Variants in TRABD2B observed in about 807,000 individuals in gnomAD.
TRABD2B encodes the protein metalloprotease TIKI2.
In TRABD2B, 14 loss-of-function variants were observed where a neutral mutation model predicts 40.1. The observed-to-expected ratio is 0.35, with a 90% CI of 0.23 to 0.55. TRABD2B has a LOEUF of 0.55. TRABD2B is among the 20% of genes least tolerant of loss of function. The pLI is 0.90. For missense variants in TRABD2B, 541 were observed against 648.6 expected (o/e 0.83, Z 1.80); for synonymous variants, 263 against 277.0 (o/e 0.95, Z 0.50).
At chr1:47,771,337 G>A (rs1034443086) in intron 6 of TRABD2B, among the ~76,000 whole-genome samples, 3 of 152,188 alleles carry the variant, frequency 2.0e-5, no homozygotes, top group African/African-American at 4.8e-5. Context: ...CCCCCTGCAT[G>A]GTGGAACTCA....
At chr1:47,988,701 C>G (rs1178726884) in intron 2 of TRABD2B, among the ~76,000 whole-genome samples, 1 of 152,182 alleles carries the variant, frequency 6.6e-6, no homozygotes, top group Non-Finnish European at 1.5e-5. Flanking sequence ...TTGGCCTAGG[C>G]TCTCCAAAAT....
chr1:47,895,497 AG>A (rs1644505519), intron 2 of TRABD2B, among the ~76,000 whole-genome samples: 1 of 152,070 alleles, frequency 6.6e-6, no homozygotes, highest in Non-Finnish European at 1.5e-5. Flanking sequence ...CTCCTTGTTG[AG>A]GAGAGGAGCT....
At chr1:47,773,228 T>C (rs951267718) in intron 6 of TRABD2B, among the ~76,000 whole-genome samples, 4 of 152,210 alleles carry the variant, frequency 2.6e-5, no homozygotes, top group Admixed American at 1.3e-4. Flanking sequence ...GCTCCTTCAC[T>C]TGCTTCAAGC....
intron 2 of TRABD2B, among the ~76,000 whole-genome samples, chr1:47,874,710 G>A (rs1045355260): frequency 6.6e-6 from 1 of 151,296 alleles, no homozygotes; most frequent in Non-Finnish European, 1.5e-5. Flanking sequence ...TGGGACGACC[G>A]ACATGCACCA....
intron 3 of TRABD2B, 35 bp from the exon 4 acceptor site, chr1:47,794,795 T>G (rs1043394732): frequency 4.2e-6 from 6 of 1,415,238 alleles, no homozygotes; most frequent in Admixed American, 2.9e-5. Flanking sequence ...CTTCAGTTTT[T>G]TTTTTTTTTT....
intron 2 of TRABD2B, among the ~76,000 whole-genome samples, chr1:47,917,078 C>G: frequency 6.6e-6 from 1 of 152,210 alleles, no homozygotes. Context: ...GAGACGCATC[C>G]AGACCCAACA....
In TRABD2B at chr1:47,986,755, G is replaced by C. The variant is rs551100682; in HGVS notation, c.666+7279C>G. Among the ~76,000 whole-genome samples the C allele has an allele frequency of 3.9e-5, 6 of 152,258 alleles. No homozygotes were observed. The South Asian group carries it at 1.2e-3, about 32-fold the overall frequency. On this transcript the variant is annotated intron_variant, in intron 2 of 6. Coordinates refer to ENST00000606738, the MANE Select transcript of TRABD2B (RefSeq NM_001194986.2). ...AGGGAGGGGGCCTAGCAGAAGCAAC[G>C]GCGTTTCCAAGCTTGGGGCAACAGT...
intron 2 of TRABD2B, among the ~76,000 whole-genome samples, chr1:47,909,499 A>AGGAGAAGGG (rs1644724420): frequency 9.5e-6 from 1 of 105,582 alleles, no homozygotes; most frequent in South Asian, 3.5e-4. Context: ...AAGGAGGAGA[A>AGGAGAAGGG]GGAGGAGAAG....
chr1:47,932,609 A>C (rs1645054151), intron 2 of TRABD2B, among the ~76,000 whole-genome samples: 1 of 152,154 alleles, frequency 6.6e-6, no homozygotes, highest in Non-Finnish European at 1.5e-5. Context: ...CAGGAGCAAA[A>C]ATTCGTGCAA....
At chr1:47,952,103 G>T (rs1030077152) in intron 2 of TRABD2B, among the ~76,000 whole-genome samples, 3 of 152,304 alleles carry the variant, frequency 2.0e-5, no homozygotes, top group African/African-American at 7.2e-5. Flanking sequence ...CTGCAGTTGG[G>T]AGAAGTAAGC....
chr1:47,791,611 C>A (rs1644673814), intron 4 of TRABD2B, among the ~76,000 whole-genome samples: 1 of 152,126 alleles, frequency 6.6e-6, no homozygotes, highest in South Asian at 2.1e-4. Context: ...CTGCAGGGGC[C>A]CCCAGGTGGG....
At chr1:47,891,573 G>A (rs1252462593) in intron 2 of TRABD2B, among the ~76,000 whole-genome samples, 1 of 152,174 alleles carries the variant, frequency 6.6e-6, no homozygotes, top group East Asian at 1.9e-4. Context: ...GAGGCAGGAA[G>A]GCTGCTTGAT....
intron 2 of TRABD2B, among the ~76,000 whole-genome samples, chr1:47,841,958 G>A (rs1226388790): frequency 6.6e-6 from 1 of 151,718 alleles, no homozygotes; most frequent in African/African-American, 2.4e-5. Context: ...ATTTTTAGTA[G>A]AGATGGGGTT....
intron 2 of TRABD2B, among the ~76,000 whole-genome samples, chr1:47,888,741 C>T (rs866458235): frequency 6.6e-6 from 1 of 152,168 alleles, no homozygotes; most frequent in South Asian, 2.1e-4. Flanking sequence ...AGGCCACTTC[C>T]AGGCTTGGCC....
chr1:47,792,048 T>C (rs1172001266), intron 4 of TRABD2B, among the ~76,000 whole-genome samples: 1 of 152,208 alleles, frequency 6.6e-6, no homozygotes, highest in Non-Finnish European at 1.5e-5. Context: ...AAAGGAGATC[T>C]GCTGTGCAGA....
At chr1:47,904,359 A>G (rs1442334950) in intron 2 of TRABD2B, among the ~76,000 whole-genome samples, 1 of 152,128 alleles carries the variant, frequency 6.6e-6, no homozygotes, top group Non-Finnish European at 1.5e-5. Context: ...GGAGAAATCG[A>G]GTTTAGATTT....
intron 2 of TRABD2B, among the ~76,000 whole-genome samples, chr1:47,863,951 T>C (rs745657582): frequency 7.2e-5 from 11 of 152,064 alleles, no homozygotes; most frequent in East Asian, 1.9e-4. Context: ...TGAAAAGACA[T>C]AATGGAAACT....
rs560258587 is a variant in TRABD2B, at chr1:47,864,715, A to T, written c.667-63096T>A. Among the ~76,000 whole-genome samples the T allele has an allele frequency of 4.6e-5, 7 of 152,106 alleles. No homozygotes were observed. In the East Asian group the frequency reaches 1.2e-3, roughly 25 times the overall value. ...TCTTCCAAATCCACATGGCTGCCTG[A>T]TGACATGCTGAGGGGCCTAGGTGGG... On this transcript the variant is annotated intron_variant, in intron 2 of 6. Coordinates refer to ENST00000606738, the MANE Select transcript of TRABD2B (RefSeq NM_001194986.2).
chr1:47,808,051 G>A (rs2124327676), intron 2 of TRABD2B, among the ~76,000 whole-genome samples: 1 of 152,314 alleles, frequency 6.6e-6, no homozygotes, highest in Middle Eastern at 3.4e-3. Context: ...GTACTTTTTA[G>A]ATGAGACTCA....
Sources: gnomAD v4.1 joint callset for allele counts (sites outside exome capture counted in the v4.1 genomes callset) on GRCh38, gnomAD v4.1.1 for gene constraint, MANE v1.5 for transcripts, NCBI Gene and HGNC (gene_info 2026-07-23, HGNC 2026-07-21) for gene names.